SERGEF: variants seen among roughly 807,000 people sequenced by gnomAD.
SERGEF encodes the protein secretion regulating guanine nucleotide exchange factor, also known as secretion-regulating guanine nucleotide exchange factor.
In SERGEF, 51 loss-of-function variants were observed where a neutral mutation model predicts 50.0. The observed-to-expected ratio is 1.02, with a 90% confidence interval of 0.81 to 1.29. The LOEUF (loss-of-function observed/expected upper bound fraction) is 1.29, where lower values mean the gene tolerates loss of function less well. Among genes scored for constraint, SERGEF ranks in the 50% most tolerant of loss-of-function variants. The probability of loss-of-function intolerance (pLI) is 0.00; values close to 1 mark genes in which losing one functional copy is unlikely to be tolerated. For synonymous variants in SERGEF, 205 were observed against 212.4 expected, an observed-to-expected ratio of 0.97 and a Z score of 0.30; for missense variants, 521 against 557.0, an observed-to-expected ratio of 0.94 and a Z score of 0.65.
chr11:17,948,084 T>A lies in SERGEF; in HGVS notation c.1011+11386A>T, dbSNP rs531788917. ...AAGAGGCTAGGACTACAGGTACACA[T>A]CGCCATGCCTAATGTTTGTGTTTTT... On this transcript the variant is annotated intron_variant, in intron 9 of 10. Coordinates refer to ENST00000265965, the MANE Select transcript of SERGEF (RefSeq NM_012139.4). Among the ~76,000 whole-genome samples, 130 of 151,808 alleles carry A rather than the reference T, an allele frequency of 8.6e-4. 1 individual carries two copies. Among genetic ancestry groups the A allele is most frequent in the Middle Eastern group, 3.4e-3 (1 of 294 alleles).
chr11:17,858,154 T>C (rs1185098770), intron 10 of SERGEF, among the ~76,000 whole-genome samples: 2 of 152,108 alleles, frequency 1.3e-5, no homozygotes, highest in Non-Finnish European at 2.9e-5. Context: ...ATCAGAGGCG[T>C]TGCCTGAAAG....
chr11:17,927,095 T>C (rs769583030), intron 9 of SERGEF, among the ~76,000 whole-genome samples: 2 of 152,116 alleles, frequency 1.3e-5, no homozygotes, highest in Non-Finnish European at 2.9e-5. Flanking sequence ...ACTTAGCACA[T>C]CCTAAAAGAA....
chr11:17,926,701 C>T (rs1026100173), intron 9 of SERGEF: 1 of 454,886 alleles, frequency 2.2e-6, no homozygotes, highest in African/African-American at 2.0e-5. Flanking sequence ...TCTGAATCCC[C>T]ACCTAATAAA....
chr11:17,878,460 A>G lies in SERGEF; in HGVS notation c.1012-216T>C, dbSNP rs912411279. 7.2e-5 allele frequency among the ~76,000 whole-genome samples: 11 copies of G among 152,260 alleles called. No homozygotes were observed. In the South Asian group the frequency reaches 1.0e-3, roughly 14 times the overall value. ...AAAAAATATTGAATGGAAATTCATC[A>G]GATATTAAAGTTGTCTTTAGCTAGT... On this transcript the variant is annotated intron_variant, in intron 9 of 10. Coordinates refer to ENST00000265965, the MANE Select transcript of SERGEF (RefSeq NM_012139.4).
At chr11:17,914,562 G>T (rs1210767905) in intron 9 of SERGEF, among the ~76,000 whole-genome samples, 2 of 152,060 alleles carry the variant, frequency 1.3e-5, no homozygotes, top group African/African-American at 4.8e-5. Context: ...GAGACTACAG[G>T]CATGTACTAC....
At chr11:17,831,978 G>A (rs995607771) in intron 10 of SERGEF, among the ~76,000 whole-genome samples, 3 of 152,176 alleles carry the variant, frequency 2.0e-5, no homozygotes, top group African/African-American at 7.2e-5. Flanking sequence ...AATCTCCCCA[G>A]AGCATAGGTT....
At chr11:17,970,448 C>T (rs1195675915) in intron 8 of SERGEF, among the ~76,000 whole-genome samples, 2 of 152,128 alleles carry the variant, frequency 1.3e-5, no homozygotes, top group Non-Finnish European at 2.9e-5. Flanking sequence ...GGAGACAAAA[C>T]AATATTGAAA....
intron 9 of SERGEF, among the ~76,000 whole-genome samples, chr11:17,909,570 G>A (rs1004896508): frequency 1.3e-5 from 2 of 152,192 alleles, no homozygotes; most frequent in Non-Finnish European, 2.9e-5. Context: ...GTGTTATTTT[G>A]TGTAACTATC....
chr11:17,964,935 C>T (rs1853086566), intron 8 of SERGEF, among the ~76,000 whole-genome samples: 1 of 152,254 alleles, frequency 6.6e-6, no homozygotes, highest in South Asian at 2.1e-4. Flanking sequence ...CTAGCATCAT[C>T]TTCCTGTACA....
intron 9 of SERGEF, among the ~76,000 whole-genome samples, chr11:17,893,471 C>T (rs1399224136): frequency 1.3e-5 from 2 of 152,194 alleles, no homozygotes; most frequent in African/African-American, 2.4e-5. Context: ...CTTCCATCTC[C>T]CTTGATATCC....
chr11:17,946,700 C>T (rs560145721), intron 9 of SERGEF, among the ~76,000 whole-genome samples: 2 of 152,272 alleles, frequency 1.3e-5, no homozygotes, highest in East Asian at 3.9e-4. Context: ...CATTTGCACG[C>T]CTCTGTGTTC....
At chr11:17,973,177 G>A (rs1853288145) in intron 8 of SERGEF, among the ~76,000 whole-genome samples, 1 of 152,174 alleles carries the variant, frequency 6.6e-6, no homozygotes, top group South Asian at 2.1e-4. Context: ...GCCTAAACCT[G>A]CAGAGGAGCT....
intron 1 of SERGEF, among the ~76,000 whole-genome samples, chr11:18,008,637 C>G (rs1232219350): frequency 6.6e-6 from 1 of 152,084 alleles, no homozygotes; most frequent in Non-Finnish European, 1.5e-5. Flanking sequence ...AGGCCATCTC[C>G]TAAATCAAGG....
chr11:17,988,105 T>C (rs1486089364), intron 8 of SERGEF, among the ~76,000 whole-genome samples: 1 of 152,184 alleles, frequency 6.6e-6, no homozygotes, highest in Non-Finnish European at 1.5e-5. Flanking sequence ...TCTGAGGGAA[T>C]ATATGAGATG....
intron 9 of SERGEF, among the ~76,000 whole-genome samples, chr11:17,945,485 A>G (rs1464114363): frequency 6.6e-6 from 1 of 152,252 alleles, no homozygotes; most frequent in Non-Finnish European, 1.5e-5. Flanking sequence ...TACTTTAACC[A>G]TATTTCAAGT....
chr11:17,833,600 C>T (rs1850351090), intron 10 of SERGEF, among the ~76,000 whole-genome samples: 3 of 152,242 alleles, frequency 2.0e-5, no homozygotes, highest in African/African-American at 7.2e-5. Context: ...GCTGCAGACA[C>T]TCAACCCCAG....
chr11:18,004,370 G>A, intron 4 of SERGEF, 71 bp downstream of exon 4: 6 of 1,117,136 alleles, frequency 5.4e-6, no homozygotes, highest in Non-Finnish European at 7.9e-6. Context: ...TTTTATTCTG[G>A]GGAGAGATAG....
At chr11:17,997,086 T>C (rs926311497) in intron 5 of SERGEF, among the ~76,000 whole-genome samples, 1 of 152,134 alleles carries the variant, frequency 6.6e-6, no homozygotes, top group African/African-American at 2.4e-5. Flanking sequence ...ACACCTGCAG[T>C]CCCAGCTGCC....
chr11:17,848,646 G>C (rs572978439), intron 10 of SERGEF, among the ~76,000 whole-genome samples: 1 of 152,208 alleles, frequency 6.6e-6, no homozygotes, highest in South Asian at 2.1e-4. Flanking sequence ...AAGCAGATAG[G>C]TCATCTTTTA....
Sources: allele counts gnomAD v4.1 joint callset (sites outside exome capture counted in the v4.1 genomes callset), GRCh38; gene constraint gnomAD v4.1.1; transcripts MANE v1.5; gene names NCBI Gene and HGNC (gene_info 2026-07-23, HGNC 2026-07-21).